Variants in MAP3K12 observed in about 807,000 individuals in gnomAD.
MAP3K12 encodes MAPK-upstream kinase.
A neutral mutation model predicts 87.5 loss-of-function variants in MAP3K12; 14 were observed. The ratio of observed to expected loss-of-function variants is 0.16; its 90% CI spans 0.11 to 0.25. MAP3K12 has a LOEUF of 0.25. MAP3K12 is among the 10% of genes least tolerant of loss of function. MAP3K12 has a pLI of 1.00. For synonymous variants in MAP3K12, 469 were observed against 452.5 expected, an observed-to-expected ratio of 1.04 and a Z score of -0.46; for missense variants, 802 against 1,140.4, an observed-to-expected ratio of 0.70 and a Z score of 4.27.
At chr12:53,490,024 C>A (rs1181623501) in intron 1 of MAP3K12, among the ~76,000 whole-genome samples, 3 of 152,280 alleles carry the variant, frequency 2.0e-5, no homozygotes, top group African/African-American at 7.2e-5. Context: ...GATTGGGGGC[C>A]AGGTGTGGTG....
At position 53,482,081 on chromosome 12, in the gene MAP3K12, C is replaced by T; in HGVS notation, c.2440G>A (p.Asp814Asn). 6.2e-7 allele frequency: 1 copy of T among 1,614,178 alleles called. No individual in the cohort carries two copies. Among genetic ancestry groups the T allele is most frequent in the South Asian group, 1.1e-5 (1 of 91,082 alleles). The change falls in exon 13 of 14, where the codon GAT (aspartate) becomes AAT (asparagine). Residue 814 changes from aspartate to asparagine, a missense_variant. Asp to Asn is a conservative substitution (Grantham distance 23, BLOSUM62 1). Coordinates refer to ENST00000547488, the MANE Select transcript of MAP3K12 (RefSeq NM_001193511.2). ...TCAGACCGCTCATCTGGCCGCTCAT[C>T]AGTGTTGGTGCTGCCAACTTCAGGT... ...GTPEVGSTNT[D>N]ERPDERSDDM...
chr12:53,491,623 C>A (rs1024085425), intron 1 of MAP3K12, among the ~76,000 whole-genome samples: 1 of 151,632 alleles, frequency 6.6e-6, no homozygotes, highest in Non-Finnish European at 1.5e-5. Flanking sequence ...TTAGTAGAGA[C>A]CGGGTTTCAC....
At chr12:53,481,850 G>T in intron 13 of MAP3K12, 91 bp downstream of exon 13, 1 of 1,483,408 alleles carries the variant, frequency 6.7e-7, no homozygotes, top group Non-Finnish European at 9.2e-7. Context: ...TCTGGCCTGT[G>T]CAGCTGTCTC....
chr12:53,482,177 A>G lies in MAP3K12; in HGVS notation c.2344T>C (p.Ser782Pro), dbSNP rs2137172954. 3 of 1,614,242 alleles carry G rather than the reference A, an allele frequency of 1.9e-6. No individual in the cohort carries two copies. Among genetic ancestry groups the G allele is most frequent in the Non-Finnish European group, 2.5e-6 (3 of 1,180,038 alleles). Residue 782 changes from serine to proline, a missense_variant, in exon 13 of 14, where the codon TCT becomes CCT. Around this residue, in one of 5 missense-constraint regions of MAP3K12, gnomAD observed 490 missense variants for 496.6 expected, o/e 0.99. Coordinates refer to ENST00000547488, the MANE Select transcript of MAP3K12 (RefSeq NM_001193511.2). ...GATGGATTCTCTGAGCTGAAGGTAGATAGTGACTGGCGCATGTTCAGGCTC... is the reference window on the plus strand; with the variant it reads ...GATGGATTCTCTGAGCTGAAGGTAGGTAGTGACTGGCGCATGTTCAGGCTC... Reference protein sequence around the residue: ...PQSLNMRQSLSTFSSENPSDG... With the variant: ...PQSLNMRQSLPTFSSENPSDG...
intron 7 of MAP3K12, 92 bp downstream of exon 7, chr12:53,484,165 C>G (rs1049780405): frequency 7.3e-7 from 1 of 1,365,374 alleles, no homozygotes; most frequent in African/African-American, 1.4e-5. Context: ...TCTCTTCAGT[C>G]CCACTCAACC....
upstream of MAP3K12, chr12:53,501,504 G>A (rs1480879330): frequency 6.4e-7 from 1 of 1,552,726 alleles, no homozygotes; most frequent in Non-Finnish European, 8.7e-7. Context: ...AAAAGCGTGG[G>A]GCCGTGCGGA....
chr12:53,501,290 C>G, upstream of MAP3K12: 1 of 1,125,992 alleles, frequency 8.9e-7, no homozygotes, highest in South Asian at 1.5e-5. Context: ...CCCAGCGTGC[C>G]CCGCGGCGGG....
chr12:53,481,906 G>C (rs769820844), intron 13 of MAP3K12, 35 bp downstream of exon 13: 9 of 1,599,172 alleles, frequency 5.6e-6, no homozygotes, highest in South Asian at 1.1e-5. Context: ...AGCTCTCCCT[G>C]TTCAATATCT....
Position 53,479,852 on chromosome 12 carries a change from C to T in MAP3K12, c.*1330G>A, listed in dbSNP as rs1263905656. On this transcript the variant is annotated 3_prime_UTR_variant, in exon 14 of 14. Coordinates refer to ENST00000547488, the MANE Select transcript of MAP3K12 (RefSeq NM_001193511.2). Reference sequence around the variant, plus strand: ...ACAGTGATTCATGTGGGTTTTATTCCTCTTGTCTTGCTGTTATTTTTGTAC... The same window carrying T: ...ACAGTGATTCATGTGGGTTTTATTCTTCTTGTCTTGCTGTTATTTTTGTAC... The T allele has an allele frequency of 1.9e-5, 3 of 156,204 alleles. No individual in the cohort carries two copies. The highest frequency in any genetic ancestry group is 4.8e-5 in the African/African-American group (2 of 41,482). 9.7% of individuals were successfully genotyped at this position (156,204 alleles called of 1,614,324 possible). A position where few individuals can be genotyped will look rare whatever the true frequency, so the allele number is the denominator to read the frequency against.
At chr12:53,488,207 C>G (rs1198075676) in intron 1 of MAP3K12, among the ~76,000 whole-genome samples, 2 of 152,222 alleles carry the variant, frequency 1.3e-5, no homozygotes, top group Non-Finnish European at 2.9e-5. Context: ...CAGAAGGCCA[C>G]TGCTTCATCC....
chr12:53,483,730 C>T lies in MAP3K12; in HGVS notation c.1359-7G>A, dbSNP rs201287413. 335 of 1,613,756 alleles carry T rather than the reference C, an allele frequency of 2.1e-4. No homozygotes were observed. Among genetic ancestry groups the T allele is most frequent in the Middle Eastern group, 6.9e-4 (4 of 5,814 alleles). On this transcript the variant is annotated splice_region_variant and splice_polypyrimidine_tract_variant and intron_variant, in intron 8 of 13. Coordinates refer to ENST00000547488, the MANE Select transcript of MAP3K12 (RefSeq NM_001193511.2). ...CCTGATGTCCAGGGCGTGTCTGCAA[C>T]GGGCAGAAAGGTTCCCCAAGGTGAA...
At chr12:53,501,342 C>A, upstream of MAP3K12, 1 of 1,536,768 alleles carries the variant, frequency 6.5e-7, no homozygotes, top group Non-Finnish European at 8.8e-7. Context: ...GGCCCTAGCT[C>A]GTCGGCTGTG....
chr12:53,482,733 T>C lies in MAP3K12; in HGVS notation c.2070A>G (p.Ser690=), dbSNP rs1943102860. 1 of 1,613,796 alleles carries C rather than the reference T, an allele frequency of 6.2e-7. No homozygotes were observed. The highest frequency in any genetic ancestry group is 8.5e-7 in the Non-Finnish European group (1 of 1,179,990). ...GTGGTTCCCCTTTGGCTCCCCCAGG[T>C]GAATCTGGGCTGGTGGAGCCAGGGG... ...GSAPGSTSPD[S]PGGAKGEPPP... Residue 690 remains serine, a synonymous_variant, in exon 11 of 14, where the codon TCA becomes TCG. Transcript: ENST00000547488.
intron 1 of MAP3K12, among the ~76,000 whole-genome samples, chr12:53,497,394 A>G (rs552196966): frequency 1.4e-4 from 22 of 152,318 alleles, no homozygotes; most frequent in Admixed American, 1.4e-3. Flanking sequence ...AAGAGGGAAA[A>G]AAAAGACCAA....
intron 6 of MAP3K12, 86 bp downstream of exon 6, chr12:53,484,970 C>T (rs900474452): frequency 1.3e-6 from 2 of 1,501,346 alleles, no homozygotes; most frequent in Non-Finnish European, 1.8e-6. Context: ...TAAATGTACC[C>T]CTGCCATTTA....
chr12:53,493,386 T>A lies in MAP3K12; in HGVS notation c.-37-5958A>T, dbSNP rs554726758. ...CAGAGAGATCTTCGGCTGAGGCGTCTGGTGTTGGCAGGAGGGGACTTGTGG... is the reference window on the plus strand; with the variant it reads ...CAGAGAGATCTTCGGCTGAGGCGTCAGGTGTTGGCAGGAGGGGACTTGTGG... On this transcript the variant is annotated intron_variant, in intron 1 of 13. Transcript: ENST00000547488. Among the ~76,000 whole-genome samples the A allele has an allele frequency of 1.2e-3, 177 of 152,056 alleles. 1 individual carries two copies. Among genetic ancestry groups the A allele is most frequent in the Non-Finnish European group, 2.0e-3 (133 of 67,988 alleles).
chr12:53,501,360 G>A (rs1469377203), upstream of MAP3K12: 1 of 1,550,474 alleles, frequency 6.4e-7, no homozygotes, highest in Admixed American at 2.0e-5. Context: ...GTGTATTGGG[G>A]CGCGTGGAGG....
intron 13 of MAP3K12, 150 bp downstream of exon 13, chr12:53,481,791 A>G (rs898383526): frequency 6.6e-6 from 6 of 915,852 alleles, no homozygotes; most frequent in Non-Finnish European, 9.8e-6. Flanking sequence ...GCTCTGTGCA[A>G]GAGGCTTCTG....
Position 53,484,287 on chromosome 12 carries a change from G to A in MAP3K12, c.1218C>T (p.Ser406=), listed in dbSNP as rs1246376427. The A allele has an allele frequency of 5.0e-6, 8 of 1,614,152 alleles. No homozygotes were observed. The East Asian group carries it at 6.7e-5, about 13-fold the overall frequency. ...ACTTAAAGTAAGTCTCCTGGGGTGT[G>A]GAGAGTACATCAGCTGAGGCAATGT... ...HLDIASADVL[S]TPQETYFKSQ... Residue 406 remains serine (S), a synonymous_variant, in exon 7 of 14, where the codon TCC becomes TCT. Transcript: ENST00000547488.
Sources: allele counts gnomAD v4.1 joint callset (sites outside exome capture counted in the v4.1 genomes callset), GRCh38; gene constraint gnomAD v4.1.1; regional missense constraint gnomAD v4.1.1; transcripts MANE v1.5; gene names NCBI Gene and HGNC (gene_info 2026-07-23, HGNC 2026-07-21).